Variants in EYS observed in about 807,000 individuals in gnomAD.
EYS encodes the protein protein eyes shut homolog.
EYS carries 250 observed loss-of-function variants against 282.1 expected under a neutral mutation model. The observed-to-expected ratio is 0.89, with a 90% CI of 0.80 to 0.98. The LOEUF is 0.98. Among genes scored for constraint, EYS ranks in the 50% least tolerant of loss-of-function variants. The pLI, the probability that EYS is intolerant of heterozygous loss-of-function variation, is 0.00. For synonymous variants in EYS, 1,355 were observed against 1,282.9 expected (o/e 1.06, Z -1.20); for missense variants, 4,016 against 3,709.0 (o/e 1.08, Z -2.15).
intron 28 of EYS, among the ~76,000 whole-genome samples, chr6:64,404,842 C>A (rs1009251762): frequency 1.3e-5 from 2 of 151,736 alleles, no homozygotes; most frequent in Non-Finnish European, 2.9e-5. Context: ...TTCTTGGGGG[C>A]AGAACGTAAG....
intron 33 of EYS, among the ~76,000 whole-genome samples, chr6:64,041,859 T>C (rs972730388): frequency 2.0e-5 from 3 of 152,234 alleles, no homozygotes; most frequent in African/African-American, 7.2e-5. Flanking sequence ...TGGGTCTGTA[T>C]GTCAGCTGGA....
intron 1 of EYS, among the ~76,000 whole-genome samples, chr6:65,656,119 C>G (rs558268910): frequency 3.5e-4 from 53 of 151,922 alleles, no homozygotes; most frequent in Non-Finnish European, 7.1e-4. Context: ...ACCTAATCAA[C>G]AAATGTATGT....
At chr6:64,923,815 G>T (rs1165025127) in intron 15 of EYS, among the ~76,000 whole-genome samples, 4 of 152,318 alleles carry the variant, frequency 2.6e-5, no homozygotes. Context: ...TCACACTGGT[G>T]CAAGAGGTAA....
chr6:65,534,455 C>A (rs1767893977), intron 2 of EYS, among the ~76,000 whole-genome samples: 1 of 152,014 alleles, frequency 6.6e-6, no homozygotes, highest in Non-Finnish European at 1.5e-5. Flanking sequence ...CCGGAATATA[C>A]AAACACAATG....
intron 35 of EYS, among the ~76,000 whole-genome samples, chr6:63,872,067 T>C (rs1416114451): frequency 1.3e-5 from 2 of 152,078 alleles, no homozygotes; most frequent in African/African-American, 4.8e-5. Flanking sequence ...TTCCTGGACC[T>C]TATAGTGAGT....
chr6:64,006,222 T>C (rs1442556996), intron 33 of EYS, among the ~76,000 whole-genome samples: 1 of 152,170 alleles, frequency 6.6e-6, no homozygotes, highest in Non-Finnish European at 1.5e-5. Flanking sequence ...TTACTCTCTC[T>C]GTGGGTCTTG....
At chr6:65,184,198 A>C (rs900902845) in intron 12 of EYS, among the ~76,000 whole-genome samples, 45 of 151,964 alleles carry the variant, frequency 3.0e-4, no homozygotes, top group Non-Finnish European at 4.4e-4. Context: ...TAGGTAATTT[A>C]TAAGGAGCAG....
intron 31 of EYS, among the ~76,000 whole-genome samples, chr6:64,099,681 A>G (rs955604017): frequency 2.0e-4 from 30 of 152,176 alleles, no homozygotes; most frequent in African/African-American, 7.2e-4. Flanking sequence ...CATGGAAATT[A>G]AGGAAGCTGA....
In EYS at chr6:64,917,110, G is replaced by T. The variant is rs566589673; in HGVS notation, c.2382-4367C>A. 2.6e-5 allele frequency among the ~76,000 whole-genome samples: 4 copies of T among 152,208 alleles called. No individual in the cohort carries two copies. The South Asian group carries it at 8.3e-4, about 32-fold the overall frequency. The stretch of plus-strand genomic sequence containing the variant: ...CTAAAAATACAAAAATTACCCAGGC[G>T]TGGCAGCACGCGCCTGTAGCCCCAG... On this transcript the variant is annotated intron_variant, in intron 15 of 42. Coordinates refer to ENST00000503581, the MANE Select transcript of EYS (RefSeq NM_001142800.2).
At chr6:64,784,100 A>T (rs868312246) in intron 22 of EYS, among the ~76,000 whole-genome samples, 12 of 152,096 alleles carry the variant, frequency 7.9e-5, no homozygotes, top group South Asian at 4.1e-4. Context: ...CTATCCCAAC[A>T]CTTAAGTTAT....
At chr6:64,660,870 A>C (rs910952158) in intron 22 of EYS, among the ~76,000 whole-genome samples, 5 of 152,230 alleles carry the variant, frequency 3.3e-5, no homozygotes, top group African/African-American at 1.2e-4. Context: ...CTTTCTTCAC[A>C]GAATTGGAAA....
At chr6:65,412,307 G>A (rs997991129) in intron 5 of EYS, among the ~76,000 whole-genome samples, 3 of 152,078 alleles carry the variant, frequency 2.0e-5, no homozygotes, top group Admixed American at 6.6e-5. Context: ...AAGCTACCAC[G>A]AATATTAATA....
chr6:64,173,351 T>C (rs562735760), intron 31 of EYS, among the ~76,000 whole-genome samples: 1 of 152,276 alleles, frequency 6.6e-6, no homozygotes, highest in East Asian at 1.9e-4. Flanking sequence ...AATTCAGTAT[T>C]ATTGGCATTC....
chr6:63,776,388 G>T (rs531972722), intron 40 of EYS, among the ~76,000 whole-genome samples: 25 of 152,228 alleles, frequency 1.6e-4, no homozygotes, highest in Non-Finnish European at 3.5e-4. Context: ...CGAAATGGAA[G>T]ATCTGATTTT....
chr6:64,357,154 T>A (rs1771849434), intron 29 of EYS, among the ~76,000 whole-genome samples: 1 of 151,648 alleles, frequency 6.6e-6, no homozygotes, highest in Non-Finnish European at 1.5e-5. Context: ...TTAAAATATG[T>A]AGTGAAAAAA....
At chr6:65,617,150 C>G (rs529197243) in intron 2 of EYS, among the ~76,000 whole-genome samples, 2 of 152,178 alleles carry the variant, frequency 1.3e-5, no homozygotes, top group Admixed American at 1.3e-4. Flanking sequence ...ATTCATTAAA[C>G]ATCAAGAGTG....
chr6:65,077,616 T>C (rs565510603), intron 12 of EYS, among the ~76,000 whole-genome samples: 1 of 152,240 alleles, frequency 6.6e-6, no homozygotes, highest in Admixed American at 6.5e-5. Flanking sequence ...CTCAAAATTA[T>C]TTTTTAGGTT....
chr6:64,822,551 A>G (rs1389834598), intron 20 of EYS, 100 bp downstream of exon 20: 2 of 1,010,208 alleles, frequency 2.0e-6, no homozygotes, highest in African/African-American at 3.3e-5. Context: ...ATGAAAGAGC[A>G]TAATTAAAAT....
intron 19 of EYS, among the ~76,000 whole-genome samples, chr6:64,868,642 T>A (rs751370466): frequency 6.6e-6 from 1 of 151,524 alleles, no homozygotes; most frequent in Non-Finnish European, 1.5e-5. Context: ...TGATTATACA[T>A]AATAAACCAG....
Sources: gnomAD v4.1 joint callset for allele counts (sites outside exome capture counted in the v4.1 genomes callset) on GRCh38, gnomAD v4.1.1 for gene constraint, MANE v1.5 for transcripts, NCBI Gene and HGNC (gene_info 2026-07-23, HGNC 2026-07-21) for gene names.